Variants in DIAPH1 observed in about 807,000 individuals in gnomAD.
DIAPH1 encodes the protein diaphanous related formin 1, also known as protein diaphanous homolog 1.
In DIAPH1, 46 loss-of-function variants were observed where a neutral mutation model predicts 140.7. That is an observed-to-expected ratio of 0.33 (90% CI 0.26 to 0.42). DIAPH1 has a LOEUF of 0.42. Ranked by LOEUF, DIAPH1 falls within the 10% of genes least tolerant of loss-of-function variation. The pLI, the probability that DIAPH1 is intolerant of heterozygous loss-of-function variation, is 1.00. For synonymous variants in DIAPH1, 565 were observed against 551.6 expected (o/e 1.02, Z -0.34); for missense variants, 1,310 against 1,558.7 (o/e 0.84, Z 2.69).
At chr5:141,533,949 T>C (rs2099888629) in intron 19 of DIAPH1, among the ~76,000 whole-genome samples, 1 of 143,970 alleles carries the variant, frequency 6.9e-6, no homozygotes, top group Admixed American at 7.6e-5. Context: ...AAGAATCAAC[T>C]GAGCCCAGGA....
chr5:141,526,498 A>G (rs1329043676), intron 24 of DIAPH1, 37 bp from the exon 25 acceptor site: 4 of 1,613,696 alleles, frequency 2.5e-6, no homozygotes, highest in Non-Finnish European at 3.4e-6. Context: ...ACCAAGACCA[A>G]GAAGCAGACC....
intron 4 of DIAPH1, 99 bp from the exon 5 acceptor site, chr5:141,583,714 T>A: frequency 6.5e-7 from 1 of 1,529,462 alleles, no homozygotes; most frequent in South Asian, 1.1e-5. Context: ...TTTTATTTTT[T>A]ATTTTTAGCA....
At chr5:141,584,755 G>A (rs1276422618) in intron 3 of DIAPH1, among the ~76,000 whole-genome samples, 1 of 152,220 alleles carries the variant, frequency 6.6e-6, no homozygotes, top group Non-Finnish European at 1.5e-5. Context: ...ATAATCTGAT[G>A]TATGTTTGGG....
rs182094872 is a variant in DIAPH1 at position 141,538,558 on chromosome 5, G to A, written c.2483-4125C>T. On this transcript the variant is annotated intron_variant, in intron 18 of 27. Coordinates refer to ENST00000389054, the MANE Select transcript of DIAPH1 (RefSeq NM_005219.5). ...GGTGATTCTCCTGCCTCAGCGTCCCGAGTAACTGGGATTACGGGAACCCAC... is the reference window on the plus strand; with the variant it reads ...GGTGATTCTCCTGCCTCAGCGTCCCAAGTAACTGGGATTACGGGAACCCAC... 1.5e-3 allele frequency among the ~76,000 whole-genome samples: 228 copies of A among 152,074 alleles called. 2 individuals carry two copies. The highest frequency in any genetic ancestry group is 5.2e-3 in the African/African-American group (215 of 41,506).
intron 18 of DIAPH1, among the ~76,000 whole-genome samples, chr5:141,566,254 T>C (rs1164482771): frequency 1.3e-5 from 2 of 152,106 alleles, no homozygotes; most frequent in African/African-American, 2.4e-5. Flanking sequence ...ACAAAATCAG[T>C]AGAAGAATTC....
At position 141,573,820 on chromosome 5, in the gene DIAPH1, G is replaced by C. The variant is rs761912885; in HGVS notation, c.2030C>G (p.Pro677Arg). The C allele has an allele frequency of 6.6e-7, 1 of 1,518,394 alleles. No individual in the cohort carries two copies. The highest frequency in any genetic ancestry group is 8.9e-7 in the Non-Finnish European group (1 of 1,127,514). 94.1% of individuals were successfully genotyped at this position (1,518,394 alleles called of 1,614,324 possible). Residue 677 changes from proline to arginine, a missense_variant, in exon 16 of 28, where the codon CCA becomes CGA. By Grantham distance (103) the Pro-to-Arg change is moderately radical. Transcript: ENST00000389054. ...AGCACTCCCAGGCAAAGGAGGAGGT[G>C]GGGGGATGGCAGTACCTCCAGGCAA... The part of the protein sequence containing the change: ...SSLPGGTAIP[P>R]PPPLPGSARI...
In DIAPH1 at chr5:141,565,851, C is replaced by T. The variant is rs577275463; in HGVS notation, c.2482+5577G>A. Among the ~76,000 whole-genome samples, 4 of 152,120 alleles carry T rather than the reference C, an allele frequency of 2.6e-5. No individual in the cohort carries two copies. Among genetic ancestry groups the T allele is most frequent in the African/African-American group, 9.7e-5 (4 of 41,416 alleles). On this transcript the variant is annotated intron_variant, in intron 18 of 27. Coordinates refer to ENST00000389054, the MANE Select transcript of DIAPH1 (RefSeq NM_005219.5). The surrounding 1 kb of genome is among the most constrained non-coding windows in gnomAD (Gnocchi z 4.3). ...AGCAGGAAAAGTAAGTGTTTCCTGT[C>T]CTGAAAGCTAAGAGAAGAAAGTCTG...
At chr5:141,570,482 T>C (rs1039116295) in intron 18 of DIAPH1, among the ~76,000 whole-genome samples, 3 of 152,246 alleles carry the variant, frequency 2.0e-5, no homozygotes, top group Admixed American at 1.3e-4. Context: ...CTGAGCATTA[T>C]GGTCTTATAC....
At position 141,541,727 on chromosome 5, in the gene DIAPH1, AGAAAT is replaced by A. The variant is rs1245901402; in HGVS notation, c.2483-7299_2483-7295del. ...AAAGAAAAAGAAGAAAGAAAGAAAA[AGAAAT>A]GAACAACTAGAAAGAGAAATAAAGT... On this transcript the variant is annotated intron_variant, in intron 18 of 27. Coordinates refer to ENST00000389054, the MANE Select transcript of DIAPH1 (RefSeq NM_005219.5). 5.5e-4 allele frequency among the ~76,000 whole-genome samples: 84 copies of A among 151,944 alleles called. 1 individual carries two copies. The highest frequency in any genetic ancestry group is 1.5e-3 in the African/African-American group (63 of 41,510).
chr5:141,540,598 T>C (rs1397134341), intron 18 of DIAPH1, among the ~76,000 whole-genome samples: 12 of 142,572 alleles, frequency 8.4e-5, no homozygotes, highest in Non-Finnish European at 1.6e-4. Flanking sequence ...GTATTTTTAG[T>C]AGTGATGGGG....
chr5:141,577,436 G>A, intron 12 of DIAPH1, 39 bp downstream of exon 12: 1 of 1,359,986 alleles, frequency 7.4e-7, no homozygotes, highest in Non-Finnish European at 1.1e-6. Flanking sequence ...TCTCCACTTA[G>A]GCTCAAATTC....
At position 141,565,486 on chromosome 5, in the gene DIAPH1, A is replaced by G. The variant is rs1430493255; in HGVS notation, c.2482+5942T>C. ...ATTCTACATATTTGTTAAAATGATG[A>G]TAACAAATTAGTCCAGGAACTGGCT... On this transcript the variant is annotated intron_variant, in intron 18 of 27. Transcript: ENST00000389054. This position sits in a 1 kb window ranked among gnomAD's most constrained non-coding sequence, Gnocchi z 4.3. 6.6e-6 allele frequency among the ~76,000 whole-genome samples: 1 copy of G among 152,230 alleles called. No individual in the cohort carries two copies. The highest frequency in any genetic ancestry group is 1.5e-5 in the Non-Finnish European group (1 of 68,040).
chr5:141,593,455 G>C (rs1316028874), intron 1 of DIAPH1, among the ~76,000 whole-genome samples: 2 of 152,150 alleles, frequency 1.3e-5, no homozygotes, highest in African/African-American at 2.4e-5. Flanking sequence ...TAGTCTCTTA[G>C]AGCCCCAGCA....
intron 18 of DIAPH1, among the ~76,000 whole-genome samples, chr5:141,540,290 T>TC (rs1303822196): frequency 2.0e-5 from 3 of 151,340 alleles, no homozygotes; most frequent in Non-Finnish European, 4.4e-5. Context: ...CTGGCTAATT[T>TC]TTTTTTTTTT....
chr5:141,549,268 CAGAT>C (rs1482857236), intron 18 of DIAPH1, among the ~76,000 whole-genome samples: 2 of 152,186 alleles, frequency 1.3e-5, no homozygotes, highest in East Asian at 1.9e-4. Flanking sequence ...ATACTAGTAT[CAGAT>C]AGAGATATCA....
At chr5:141,602,353 C>G (rs1482166288) in intron 1 of DIAPH1, among the ~76,000 whole-genome samples, 1 of 152,206 alleles carries the variant, frequency 6.6e-6, no homozygotes, top group Non-Finnish European at 1.5e-5. Context: ...GTAGCTGGAA[C>G]TACAGGCGCC....
chr5:141,520,772 T>C (rs1026440603), intron 27 of DIAPH1, among the ~76,000 whole-genome samples: 2 of 152,214 alleles, frequency 1.3e-5, no homozygotes, highest in Admixed American at 1.3e-4. Flanking sequence ...CGGCCCATAC[T>C]GTGGGTTCAC....
chr5:141,520,897 T>G (rs1003646357), intron 27 of DIAPH1, among the ~76,000 whole-genome samples: 2 of 152,148 alleles, frequency 1.3e-5, no homozygotes, highest in Non-Finnish European at 2.9e-5. Flanking sequence ...AGACTTTATC[T>G]GTTTTTTATT....
rs934133338 is a variant in DIAPH1, at chr5:141,527,792, G to A, written c.3149-95C>T. 2.8e-6 allele frequency: 4 copies of A among 1,404,152 alleles called. No individual in the cohort carries two copies. In the African/African-American group the frequency reaches 5.9e-5, roughly 21 times the overall value. The allele number at this position is 1,404,152 out of a possible 1,614,324, so 87.0% of individuals were successfully genotyped here. A position where few individuals can be genotyped will look rare whatever the true frequency, so the allele number is the denominator to read the frequency against. On this transcript the variant is annotated intron_variant, in intron 23 of 27. Transcript: ENST00000389054. ...ACACCCCTTAGTTTCACCTTTCAGA[G>A]CATAGCTTCAGTCTATACACACATT...
Sources: gnomAD v4.1 joint callset for allele counts (sites outside exome capture counted in the v4.1 genomes callset) on GRCh38, gnomAD v4.1.1 for gene constraint, Gnocchi (gnomAD v3.1) non-coding constraint, MANE v1.5 for transcripts, NCBI Gene and HGNC (gene_info 2026-07-23, HGNC 2026-07-21) for gene names.